ABCA10: variants seen among roughly 807,000 people sequenced by gnomAD.
ABCA10 encodes ATP-binding cassette sub-family A member 10.
A neutral mutation model predicts 187.5 loss-of-function variants in ABCA10; 169 were observed. That is an observed-to-expected ratio of 0.90 (90% confidence interval 0.80 to 1.02). The LOEUF (loss-of-function observed/expected upper bound fraction) is 1.02. Among genes scored for constraint, ABCA10 ranks in the 50% least tolerant of loss-of-function variants. The probability of loss-of-function intolerance (pLI) is 0.00; values close to 1 mark genes in which losing one functional copy is unlikely to be tolerated. For synonymous variants in ABCA10, 574 were observed against 601.8 expected (o/e 0.95, Z 0.68); for missense variants, 1,727 against 1,812.4 (o/e 0.95, Z 0.86).
chr17:69,239,890 A>G (rs989236039), intron 1 of ABCA10, among the ~76,000 whole-genome samples: 16 of 152,120 alleles, frequency 1.1e-4, no homozygotes, highest in African/African-American at 3.9e-4. Flanking sequence ...CATATAGTAC[A>G]CCCACGCAGG....
rs201006015 is a variant in ABCA10, at chr17:69,174,328, G to A, written c.3115C>T (p.Arg1039Cys). ...FLTYVLSFIFRKWRKNNGFWS... is the reference protein window; with the variant it reads ...FLTYVLSFIFCKWRKNNGFWS... The stretch of plus-strand genomic sequence containing the variant: ...AAGCCATTATTTTTTCTCCACTTGC[G>A]AAAGATGAATGAAAGCACATATGTG... Residue 1039 changes from arginine to cysteine, a missense_variant, in exon 25 of 39, where the codon CGC (arginine) becomes TGC (cysteine). By Grantham distance (180) the Arg-to-Cys change is radical. Transcript: ENST00000690296. 4.8e-5 allele frequency: 78 copies of A among 1,608,974 alleles called. 1 individual carries two copies. Among genetic ancestry groups the A allele is most frequent in the South Asian group, 7.8e-5 (7 of 89,742 alleles).
rs1184893333 is a variant in ABCA10, at chr17:69,175,436, A to G, written c.2847T>C (p.Phe949=). The change falls in exon 23 of 39, where the codon TTT becomes TTC. Residue 949 remains phenylalanine, a synonymous_variant. Coordinates refer to ENST00000690296, the MANE Select transcript of ABCA10 (RefSeq NM_001377321.1). The part of the protein sequence containing the change: ...LLLITNCVSP[F]IGMSSISDYK... ...AATCGCTGATGCTGCTCATGCCGAT[A>G]AAAGGAGAAACGCAGTTTGTGATCA... 1 of 1,612,072 alleles carries G rather than the reference A, an allele frequency of 6.2e-7. No individual in the cohort carries two copies. The highest frequency in any genetic ancestry group is 8.5e-7 in the Non-Finnish European group (1 of 1,178,642).
chr17:69,227,173 T>C lies in ABCA10; in HGVS notation c.-200A>G, dbSNP rs2074801451. 6.6e-6 allele frequency: 1 copy of C among 150,492 alleles called. No homozygotes were observed. Among genetic ancestry groups the C allele is most frequent in the Non-Finnish European group, 1.5e-5 (1 of 67,352 alleles). The allele number at this position is 150,492 out of a possible 1,614,324, so 9.3% of individuals were successfully genotyped here. A position where few individuals can be genotyped will look rare whatever the true frequency, so the allele number is the denominator to read the frequency against. On this transcript the variant is annotated 5_prime_UTR_variant, in exon 2 of 39. Transcript: ENST00000690296. ...TAAACTCTCTTTTTATTCTCCATTT[T>C]TTAAGAAAATTCTTGTACAGAAGAG...
intron 22 of ABCA10, among the ~76,000 whole-genome samples, chr17:69,177,437 T>C (rs937893355): frequency 6.6e-6 from 1 of 152,084 alleles, no homozygotes; most frequent in African/African-American, 2.4e-5. Context: ...TATTAATATA[T>C]GGTAGGAGGA....
At chr17:69,172,670 T>C (rs2074306835) in intron 25 of ABCA10, among the ~76,000 whole-genome samples, 1 of 150,174 alleles carries the variant, frequency 6.7e-6, no homozygotes, top group African/African-American at 2.5e-5. Flanking sequence ...AAAAGAAAAA[T>C]ATGGAATAAA....
intron 9 of ABCA10, among the ~76,000 whole-genome samples, chr17:69,209,700 A>C (rs1167942838): frequency 1.8e-5 from 2 of 109,694 alleles, no homozygotes; most frequent in East Asian, 4.1e-4. Context: ...GTCACTGAAC[A>C]ATGGGGATAC....
In ABCA10 at chr17:69,168,603, C is replaced by T. The variant is rs148264237; in HGVS notation, c.3163-3520G>A. Among the ~76,000 whole-genome samples the T allele has an allele frequency of 3.8e-3, 580 of 152,254 alleles. 3 individuals are homozygous for T. The highest frequency in any genetic ancestry group is 0.013 in the African/African-American group (542 of 41,540). On this transcript the variant is annotated intron_variant, in intron 25 of 38. Transcript: ENST00000690296. ...CTTTGTTAAATAGTTACTGTAGTTA[C>T]AGGAATAAAATTGGAGGAAGAAAAG...
At chr17:69,193,280 C>T in intron 14 of ABCA10, 32 bp from the exon 15 acceptor site, 1 of 1,604,738 alleles carries the variant, frequency 6.2e-7, no homozygotes, top group Non-Finnish European at 8.5e-7. Context: ...AAAGCATCTT[C>T]CTCTTCACAG....
intron 1 of ABCA10, among the ~76,000 whole-genome samples, chr17:69,243,253 C>T (rs2074917024): frequency 6.6e-6 from 1 of 152,188 alleles, no homozygotes; most frequent in South Asian, 2.1e-4. Flanking sequence ...ATCTTGCACA[C>T]ACATCACGTA....
At chr17:69,169,494 T>C (rs1277356857) in intron 25 of ABCA10, among the ~76,000 whole-genome samples, 3 of 152,206 alleles carry the variant, frequency 2.0e-5, no homozygotes, top group African/African-American at 7.2e-5. Context: ...TATCACTTCT[T>C]GTGGAATTTG....
intron 1 of ABCA10, among the ~76,000 whole-genome samples, chr17:69,235,961 T>C (rs954001595): frequency 9.9e-5 from 15 of 152,268 alleles, no homozygotes; most frequent in African/African-American, 3.6e-4. Context: ...AAAGAAAACT[T>C]CCAGTGGCTT....
intron 25 of ABCA10, among the ~76,000 whole-genome samples, chr17:69,171,723 G>A (rs2074299200): frequency 6.6e-6 from 1 of 152,202 alleles, no homozygotes; most frequent in South Asian, 2.1e-4. Flanking sequence ...GATAGCAACT[G>A]ACTGATAGCA....
chr17:69,213,048 G>C (rs1262110265), intron 9 of ABCA10, among the ~76,000 whole-genome samples: 1 of 152,188 alleles, frequency 6.6e-6, no homozygotes, highest in Non-Finnish European at 1.5e-5. Flanking sequence ...GACAGACTCA[G>C]GACCTCTGGT....
rs137953725 is a variant in ABCA10, at chr17:69,208,362, G to A, written c.1006+6342C>T. Among the ~76,000 whole-genome samples, 584 of 144,354 alleles carry A rather than the reference G, an allele frequency of 4.0e-3. 3 individuals carry two copies. Among genetic ancestry groups the A allele is most frequent in the African/African-American group, 0.014 (545 of 38,214 alleles). The allele number at this position is 144,354 out of a possible 152,430, so 94.7% of individuals were successfully genotyped here. On this transcript the variant is annotated intron_variant, in intron 9 of 38. Coordinates refer to ENST00000690296, the MANE Select transcript of ABCA10 (RefSeq NM_001377321.1). The stretch of plus-strand genomic sequence containing the variant: ...GAACCCGGGATGTGGAGCTTGCAGC[G>A]ACCAAGATCGCGCCACTGCACTCCA...
At chr17:69,197,015 G>GGGGAGA (rs773341146) in intron 11 of ABCA10, 49 bp downstream of exon 11, 2 of 1,329,706 alleles carry the variant, frequency 1.5e-6, no homozygotes, top group Non-Finnish European at 2.1e-6. Context: ...ACAGAGGGAG[G>GGGGAGA]GGGAGGGGGA....
At chr17:69,174,584 T>C (rs1019652205) in intron 24 of ABCA10, 23 bp downstream of exon 24, 4 of 1,561,656 alleles carry the variant, frequency 2.6e-6, no homozygotes, top group East Asian at 2.2e-5. Flanking sequence ...TATAATTGGC[T>C]TGTGGAAAAA....
intron 20 of ABCA10, among the ~76,000 whole-genome samples, chr17:69,183,568 T>TC (rs1275363254): frequency 6.6e-6 from 1 of 151,988 alleles, no homozygotes; most frequent in Admixed American, 6.5e-5. Flanking sequence ...GCAATGTGTG[T>TC]CCCCAAACAC....
chr17:69,185,675 A>C, intron 19 of ABCA10, 32 bp from the exon 20 acceptor site: 1 of 1,522,880 alleles, frequency 6.6e-7, no homozygotes, highest in Non-Finnish European at 8.9e-7. Flanking sequence ...CATGAGTCTG[A>C]AGCAATTTTC....
Position 69,202,338 on chromosome 17 carries a change from A to G in ABCA10, c.1007-670T>C, listed in dbSNP as rs556445531. Among the ~76,000 whole-genome samples the G allele has an allele frequency of 1.1e-4, 16 of 152,338 alleles. 1 individual carries two copies. In the East Asian group the frequency reaches 3.1e-3, roughly 29 times the overall value. ...TATTATTTTGATAATATAGAAAAAA[A>G]CAAATATTGAAAATAGTGAGTATAT... On this transcript the variant is annotated intron_variant, in intron 9 of 38. Transcript: ENST00000690296.
Sources: gnomAD v4.1 joint callset for allele counts (sites outside exome capture counted in the v4.1 genomes callset) on GRCh38, gnomAD v4.1.1 for gene constraint, MANE v1.5 for transcripts, NCBI Gene and HGNC (gene_info 2026-07-23, HGNC 2026-07-21) for gene names.